Variants in EDC3 observed in about 807,000 individuals in gnomAD.
EDC3 encodes enhancer of mRNA decapping 3.
A neutral mutation model predicts 41.8 loss-of-function variants in EDC3; 20 were observed. The observed-to-expected ratio is 0.48, with a 90% CI of 0.34 to 0.70. EDC3 has a LOEUF of 0.70. Among genes scored for constraint, EDC3 ranks in the 30% least tolerant of loss-of-function variants. EDC3 has a pLI of 0.01. For missense variants in EDC3, 444 were observed against 636.8 expected (o/e 0.70, Z 3.26); for synonymous variants, 206 against 243.2 (o/e 0.85, Z 1.42).
chr15:74,636,997 C>G (rs1236153321), intron 5 of EDC3: 1 of 152,174 alleles, frequency 6.6e-6, no homozygotes, highest in East Asian at 1.9e-4. Flanking sequence ...GGATTAGAGG[C>G]CTGGCTGGAC....
In EDC3 at chr15:74,671,849, C is replaced by G; in HGVS notation, c.165-75G>C. On this transcript the variant is annotated intron_variant, in intron 2 of 6. Transcript: ENST00000315127. The surrounding 1 kb of genome is among the most constrained non-coding windows in gnomAD (Gnocchi z 4.6). ...TGATGAAACTGAGATCATTAGCAAA[C>G]AGCTACCCCTTTGCAGGACTGCATT... 1 of 1,430,696 alleles carries G rather than the reference C, an allele frequency of 7.0e-7. No individual in the cohort carries two copies. The highest frequency in any genetic ancestry group is 9.7e-7 in the Non-Finnish European group (1 of 1,030,636). The allele number at this position is 1,430,696 out of a possible 1,614,324, so 88.6% of individuals were successfully genotyped here.
intron 3 of EDC3, among the ~76,000 whole-genome samples, chr15:74,663,395 G>A (rs906930320): frequency 3.3e-5 from 5 of 152,160 alleles, no homozygotes; most frequent in Admixed American, 6.6e-5. Flanking sequence ...TAAGCAGTGC[G>A]CTAACCACTG....
At position 74,635,442 on chromosome 15, in the gene EDC3, T is replaced by C; in HGVS notation, c.1159A>G (p.Lys387Glu). 6.2e-7 allele frequency: 1 copy of C among 1,614,246 alleles called. No homozygotes were observed. Among genetic ancestry groups the C allele is most frequent in the Non-Finnish European group, 8.5e-7 (1 of 1,180,044 alleles). The change falls in exon 6 of 7, where the codon AAG (lysine) becomes GAG (glutamate). Residue 387 changes from lysine (K) to glutamate (E), a missense_variant. Lys to Glu is a moderately conservative substitution (Grantham distance 56). Transcript: ENST00000315127. ...SITNELSLFSKTQGQQVSSLK... is the reference protein window; with the variant it reads ...SITNELSLFSETQGQQVSSLK... ...CTAGACACTTGTTGGCCTTGGGTCT[T>C]GCTGAAGAGCGACAGCTCATTGGTG...
rs554771597 is a variant in EDC3, at chr15:74,656,989, T to C, written c.485-921A>G. On this transcript the variant is annotated intron_variant, in intron 3 of 6. Transcript: ENST00000315127. ...CACCACTGACTGTCCCCTTTTCAGC[T>C]CCCCTTCCCACATAAATAAAAATAA... is the stretch of plus-strand genomic sequence containing the variant. 1.2e-4 allele frequency among the ~76,000 whole-genome samples: 18 copies of C among 152,306 alleles called. 1 individual carries two copies. In the South Asian group the frequency reaches 3.7e-3, roughly 32 times the overall value.
intron 1 of EDC3, among the ~76,000 whole-genome samples, chr15:74,680,982 T>C (rs2062864520): frequency 6.6e-6 from 1 of 152,088 alleles, no homozygotes; most frequent in South Asian, 2.1e-4. Flanking sequence ...AAATGCTAAA[T>C]ATAACAGATA....
rs763441915 is a variant in EDC3, at chr15:74,695,901, G to T, written c.-40C>A. The stretch of plus-strand genomic sequence containing the variant: ...CCACCTCCGCGCCGACGGGCCTGGA[G>T]CTCCTCCGCACACCACACCAAGCCG... On this transcript the variant is annotated 5_prime_UTR_variant, in exon 1 of 7. Coordinates refer to ENST00000315127, the MANE Select transcript of EDC3 (RefSeq NM_025083.5). 2.6e-5 allele frequency: 4 copies of T among 153,534 alleles called. No homozygotes were observed. The highest frequency in any genetic ancestry group is 4.3e-5 in the Non-Finnish European group (3 of 69,054). The allele number at this position is 153,534 out of a possible 1,614,324, so 9.5% of individuals were successfully genotyped here.
intron 1 of EDC3, among the ~76,000 whole-genome samples, chr15:74,693,518 A>T (rs1258816917): frequency 1.3e-5 from 2 of 152,196 alleles, no homozygotes; most frequent in Non-Finnish European, 2.9e-5. Flanking sequence ...TAAGGTCTCA[A>T]ATACATGAAG....
intron 1 of EDC3, among the ~76,000 whole-genome samples, chr15:74,694,451 G>A (rs1031140113): frequency 6.6e-6 from 1 of 152,060 alleles, no homozygotes. Flanking sequence ...GGGATTATAG[G>A]CACCCACCAC....
intron 1 of EDC3, among the ~76,000 whole-genome samples, chr15:74,693,331 T>G (rs141819137): frequency 1.3e-5 from 2 of 152,234 alleles, no homozygotes; most frequent in Non-Finnish European, 2.9e-5. Context: ...CTAATAGGTA[T>G]AGTTGATTTT....
chr15:74,682,105 A>G (rs2062876244), intron 1 of EDC3, among the ~76,000 whole-genome samples: 1 of 152,232 alleles, frequency 6.6e-6, no homozygotes, highest in South Asian at 2.1e-4. Context: ...GCTAGTCCAA[A>G]TATTGAATAG....
chr15:74,662,531 A>G (rs935484890), intron 3 of EDC3, among the ~76,000 whole-genome samples: 7 of 152,092 alleles, frequency 4.6e-5, no homozygotes, highest in Admixed American at 4.6e-4. Context: ...TACAAGAAAA[A>G]GCAATAAAAA....
At chr15:74,661,291 G>A (rs147287558) in intron 3 of EDC3, among the ~76,000 whole-genome samples, 132 of 152,190 alleles carry the variant, frequency 8.7e-4, no homozygotes, top group Non-Finnish European at 1.1e-3. Context: ...TATCAAGAAG[G>A]TCATTCCAAA....
At chr15:74,665,218 G>A (rs2062664131) in intron 3 of EDC3, among the ~76,000 whole-genome samples, 1 of 152,142 alleles carries the variant, frequency 6.6e-6, no homozygotes, top group Non-Finnish European at 1.5e-5. Flanking sequence ...TAGAGACAGG[G>A]TTTCGTCATG....
At chr15:74,674,791 G>T in intron 2 of EDC3, 170 bp downstream of exon 2, 1 of 720,816 alleles carries the variant, frequency 1.4e-6, no homozygotes, top group Non-Finnish European at 2.3e-6. Flanking sequence ...ACAACGGGCA[G>T]ATTACTTGAG....
At chr15:74,655,574 T>G (rs1596312626) in intron 4 of EDC3, among the ~76,000 whole-genome samples, 159 bp downstream of exon 4, 1 of 152,320 alleles carries the variant, frequency 6.6e-6, no homozygotes, top group African/African-American at 2.4e-5. Context: ...ATGCTGTTAT[T>G]GGCTGCAATC....
chr15:74,662,229 C>T (rs1188177292), intron 3 of EDC3, among the ~76,000 whole-genome samples: 2 of 152,102 alleles, frequency 1.3e-5, no homozygotes, highest in African/African-American at 4.8e-5. Flanking sequence ...TGTGCGTTAC[C>T]ACTGACCTAG....
chr15:74,632,581 G>A lies in EDC3; in HGVS notation c.*31C>T. On this transcript the variant is annotated 3_prime_UTR_variant, in exon 7 of 7. Transcript: ENST00000315127. This position sits in a 1 kb window ranked among gnomAD's most constrained non-coding sequence, Gnocchi z 4.0. ...GCGTTTGTTATCAGGAGCAGCAGGG[G>A]ACAGCAGAGTCCTGCCTGCGCAGGA... 6.2e-7 allele frequency: 1 copy of A among 1,601,008 alleles called. No homozygotes were observed. The highest frequency in any genetic ancestry group is 2.2e-5 in the East Asian group (1 of 44,614).
At chr15:74,669,120 C>T (rs1286371724) in intron 3 of EDC3, among the ~76,000 whole-genome samples, 1 of 151,964 alleles carries the variant, frequency 6.6e-6, no homozygotes, top group Non-Finnish European at 1.5e-5. Flanking sequence ...CCTGTAATCT[C>T]AGCACTTTGG....
chr15:74,678,500 T>A (rs2062832217), intron 1 of EDC3, among the ~76,000 whole-genome samples: 1 of 152,236 alleles, frequency 6.6e-6, no homozygotes, highest in Non-Finnish European at 1.5e-5. Context: ...GGCTTTTTCT[T>A]TTTAACTAAG....
Sources: gnomAD v4.1 joint callset for allele counts (sites outside exome capture counted in the v4.1 genomes callset) on GRCh38, gnomAD v4.1.1 for gene constraint, Gnocchi (gnomAD v3.1) non-coding constraint, MANE v1.5 for transcripts, NCBI Gene and HGNC (gene_info 2026-07-23, HGNC 2026-07-21) for gene names.